Variants in PTPRQ observed in about 807,000 individuals in gnomAD.
The protein encoded by PTPRQ is protein tyrosine phosphatase receptor type Q.
In PTPRQ, 199 loss-of-function variants were observed where a neutral mutation model predicts 246.0. That is an observed-to-expected ratio of 0.81 (90% CI 0.72 to 0.91). The LOEUF (loss-of-function observed/expected upper bound fraction) is 0.91, where lower values mean the gene tolerates loss of function less well. PTPRQ is among the 40% of genes least tolerant of loss of function. The pLI is 0.00. For synonymous variants in PTPRQ, 869 were observed against 853.2 expected (o/e 1.02, Z -0.32); for missense variants, 2,624 against 2,528.4 (o/e 1.04, Z -0.81).
At chr12:80,594,991 C>T (rs1000223988) in intron 26 of PTPRQ, among the ~76,000 whole-genome samples, 19 of 152,128 alleles carry the variant, frequency 1.2e-4, no homozygotes, top group African/African-American at 4.6e-4. Context: ...TTAGTAAGTT[C>T]TACAAGGTCA....
intron 17 of PTPRQ, among the ~76,000 whole-genome samples, chr12:80,523,630 GT>G (rs1296765688): frequency 2.0e-5 from 3 of 152,200 alleles, no homozygotes; most frequent in Non-Finnish European, 4.4e-5. Flanking sequence ...GTACCCAGTA[GT>G]CATTCAGGAG....
chr12:80,665,394 C>A (rs1900753982), intron 39 of PTPRQ, among the ~76,000 whole-genome samples: 1 of 152,084 alleles, frequency 6.6e-6, no homozygotes, highest in East Asian at 1.9e-4. Flanking sequence ...GAGATATGAG[C>A]TGATTACTTT....
chr12:80,468,708 A>C lies in PTPRQ; in HGVS notation c.911-2A>C. The C allele has an allele frequency of 6.5e-7, 1 of 1,529,134 alleles. No individual in the cohort carries two copies. Among genetic ancestry groups the C allele is most frequent in the East Asian group, 2.5e-5 (1 of 40,208 alleles). The allele number at this position is 1,529,134 out of a possible 1,614,324, so 94.7% of individuals were successfully genotyped here. A position where few individuals can be genotyped will look rare whatever the true frequency, so the allele number is the denominator to read the frequency against. ...TGTATTTATTTTCTATAATTATTTT[A>C]GTGCCTGAAGGACCACCACAAAACT... On this transcript the variant is annotated splice_acceptor_variant, in intron 6 of 44. Coordinates refer to ENST00000644991, the MANE Select transcript of PTPRQ (RefSeq NM_001145026.2). LOFTEE classifies it high-confidence loss of function.
intron 26 of PTPRQ, among the ~76,000 whole-genome samples, chr12:80,601,032 A>G (rs999619408): frequency 1.3e-5 from 2 of 151,728 alleles, no homozygotes; most frequent in Non-Finnish European, 2.9e-5. Context: ...ACAGCCAAAC[A>G]GTATTCCCTT....
At chr12:80,454,763 A>T (rs576680460) in intron 3 of PTPRQ, among the ~76,000 whole-genome samples, 134 of 152,346 alleles carry the variant, frequency 8.8e-4, no homozygotes, top group African/African-American at 3.0e-3. Flanking sequence ...TATTGAAAAA[A>T]AAACTTTAAG....
At chr12:80,447,282 G>C (rs1266132880) in intron 3 of PTPRQ, among the ~76,000 whole-genome samples, 1 of 151,774 alleles carries the variant, frequency 6.6e-6, no homozygotes, top group Non-Finnish European at 1.5e-5. Context: ...ATTCCTTGTA[G>C]ATTCTGGATA....
chr12:80,444,332 A>AAAATG lies in PTPRQ; in HGVS notation c.-13_-9dup. 1 of 1,375,186 alleles carries AAAATG rather than the reference A, an allele frequency of 7.3e-7. No individual in the cohort carries two copies. The highest frequency in any genetic ancestry group is 1.3e-5 in the South Asian group (1 of 79,622). The allele number at this position is 1,375,186 out of a possible 1,614,324, so 85.2% of individuals were successfully genotyped here. On this transcript the variant is annotated 5_prime_UTR_variant, in exon 1 of 45. In the 5' UTR this introduces an upstream ATG that the reference lacks. Transcript: ENST00000644991. Reference sequence around the variant, plus strand: ...CCATCAATGTGATTCTACTGGCTGAAAAATGTAATAAAGATGGATTTTCTT... The same window carrying AAAATG: ...CCATCAATGTGATTCTACTGGCTGAAAAATGAAATGTAATAAAGATGGATTTTCTT...
Position 80,444,360 on chromosome 12 carries a change from C to T in PTPRQ, c.15C>T (p.Ile5=). 2.0e-6 allele frequency: 3 copies of T among 1,467,902 alleles called. No homozygotes were observed. Among genetic ancestry groups the T allele is most frequent in the East Asian group, 2.5e-5 (1 of 40,342 alleles). 90.9% of individuals were successfully genotyped at this position (1,467,902 alleles called of 1,614,324 possible). MDFL[I]IFLLLFIGTS... is the part of the protein sequence containing the mutation. ...ATGTAATAAAGATGGATTTTCTTAT[C>T]ATTTTTCTTTTACTTTTTATTGGGA... The change falls in exon 1 of 45, where the codon ATC becomes ATT. Residue 5 remains isoleucine, a synonymous_variant. Coordinates refer to ENST00000644991, the MANE Select transcript of PTPRQ (RefSeq NM_001145026.2).
At chr12:80,600,659 A>G (rs988917728) in intron 26 of PTPRQ, among the ~76,000 whole-genome samples, 2 of 151,816 alleles carry the variant, frequency 1.3e-5, no homozygotes, top group Non-Finnish European at 2.9e-5. Flanking sequence ...ATCGAGTAGT[A>G]TATGTTACAG....
chr12:80,464,121 C>A (rs568149812), intron 6 of PTPRQ, among the ~76,000 whole-genome samples: 6,475 of 151,480 alleles, frequency 0.043, 471 homozygotes, highest in African/African-American at 0.15. Context: ...ATTCAGGAAA[C>A]CCATCTCACA....
chr12:80,669,608 T>C (rs1900904287), intron 41 of PTPRQ, 144 bp downstream of exon 41: 2 of 1,239,618 alleles, frequency 1.6e-6, no homozygotes, highest in Admixed American at 3.2e-5. Flanking sequence ...CTGAACAGAA[T>C]TTTGAATCGA....
At chr12:80,467,673 A>C (rs1448788720) in intron 6 of PTPRQ, among the ~76,000 whole-genome samples, 1 of 152,018 alleles carries the variant, frequency 6.6e-6, no homozygotes, top group Non-Finnish European at 1.5e-5. Context: ...AATACTATGC[A>C]GCCATAAAAA....
chr12:80,657,928 A>G, intron 38 of PTPRQ, 57 bp from the exon 39 acceptor site: 1 of 1,240,516 alleles, frequency 8.1e-7, no homozygotes, highest in Non-Finnish European at 1.1e-6. Context: ...TTATAGTAAA[A>G]AAAGTAGTAA....
chr12:80,561,855 G>A (rs1221458209), intron 25 of PTPRQ, among the ~76,000 whole-genome samples: 3 of 152,046 alleles, frequency 2.0e-5, no homozygotes, highest in African/African-American at 7.3e-5. Context: ...CCCTTGCCTT[G>A]TTCCTGATCT....
chr12:80,625,114 T>C (rs1899149024), intron 33 of PTPRQ, among the ~76,000 whole-genome samples: 1 of 152,130 alleles, frequency 6.6e-6, no homozygotes, highest in Admixed American at 6.6e-5. Flanking sequence ...CTCCAATGGT[T>C]AGTGGCAAGA....
intron 42 of PTPRQ, 78 bp from the exon 43 acceptor site, chr12:80,673,091 A>T: frequency 6.6e-7 from 1 of 1,511,042 alleles, no homozygotes; most frequent in Non-Finnish European, 8.9e-7. Context: ...TATTGCTATC[A>T]TAGCTCATTA....
At chr12:80,601,466 C>T (rs991609042) in intron 26 of PTPRQ, among the ~76,000 whole-genome samples, 2 of 151,826 alleles carry the variant, frequency 1.3e-5, no homozygotes, top group Non-Finnish European at 2.9e-5. Context: ...ATAGTAAGCA[C>T]TTAATAAATA....
At chr12:80,642,938 A>C (rs866366796) in intron 35 of PTPRQ, among the ~76,000 whole-genome samples, 12 of 149,474 alleles carry the variant, frequency 8.0e-5, no homozygotes, top group African/African-American at 2.0e-4. Flanking sequence ...AAAAAAAAAA[A>C]AAAAAAAACA....
Position 80,669,043 on chromosome 12 carries a change from G to C in PTPRQ, c.6229G>C (p.Gly2077Arg). ...TCCAAATGAATTTATTGCTACTCAA[G>C]GTCCACTACCAGGAACAGTTGGAGA... ...LCPNEFIATQ[G>R]PLPGTVGDFW... The change falls in exon 40 of 45, where the codon GGT becomes CGT. Residue 2077 changes from glycine (G) to arginine (R), a missense_variant. By Grantham distance (125) the Gly-to-Arg change is moderately radical. Transcript: ENST00000644991. 1 of 1,550,178 alleles carries C rather than the reference G, an allele frequency of 6.5e-7. No homozygotes were observed. The highest frequency in any genetic ancestry group is 8.7e-7 in the Non-Finnish European group (1 of 1,145,944).
Sources: gnomAD v4.1 joint callset for allele counts (sites outside exome capture counted in the v4.1 genomes callset) on GRCh38, gnomAD v4.1.1 for gene constraint, MANE v1.5 for transcripts, NCBI Gene and HGNC (gene_info 2026-07-23, HGNC 2026-07-21) for gene names.